Variants in DLG2 observed in about 807,000 individuals in gnomAD.
The protein encoded by DLG2 is disks large homolog 2.
Under a neutral mutation model 132.5 loss-of-function variants are expected in DLG2, and 45 were observed. The observed-to-expected ratio is 0.34, with a 90% CI of 0.27 to 0.44. DLG2 has a LOEUF of 0.44. DLG2 is among the 20% of genes least tolerant of loss of function. The pLI is 1.00. For synonymous variants in DLG2, 424 were observed against 419.6 expected (o/e 1.01, Z -0.13); for missense variants, 1,045 against 1,196.9 (o/e 0.87, Z 1.87).
chr11:85,564,580 C>A (rs1343136916), intron 3 of DLG2, among the ~76,000 whole-genome samples: 2 of 151,954 alleles, frequency 1.3e-5, no homozygotes, highest in Admixed American at 6.6e-5. Context: ...TACATTGAAT[C>A]TATTTTTGGT....
At chr11:83,917,202 G>A (rs550252344) in intron 15 of DLG2, among the ~76,000 whole-genome samples, 2 of 152,292 alleles carry the variant, frequency 1.3e-5, no homozygotes, top group African/African-American at 4.8e-5. Context: ...AACTTTCAGA[G>A]TTACTGGTGT....
chr11:83,987,488 C>T (rs2093410704), intron 11 of DLG2, among the ~76,000 whole-genome samples: 2 of 152,056 alleles, frequency 1.3e-5, no homozygotes, highest in African/African-American at 2.4e-5. Flanking sequence ...GGTACTGGTA[C>T]CAAAACAGAG....
intron 8 of DLG2, among the ~76,000 whole-genome samples, chr11:84,232,517 A>C (rs1207180469): frequency 1.3e-5 from 2 of 152,192 alleles, no homozygotes; most frequent in Admixed American, 1.3e-4. Flanking sequence ...CTAATTCCCA[A>C]CAGAATTTTC....
intron 9 of DLG2, among the ~76,000 whole-genome samples, chr11:84,145,104 C>A (rs1345143294): frequency 6.6e-6 from 1 of 152,122 alleles, no homozygotes; most frequent in African/African-American, 2.4e-5. Flanking sequence ...CTTGTTTTTA[C>A]AAATTATGGA....
At chr11:85,462,083 A>C (rs1300729917) in intron 3 of DLG2, among the ~76,000 whole-genome samples, 1 of 152,226 alleles carries the variant, frequency 6.6e-6, no homozygotes, top group African/African-American at 2.4e-5. Flanking sequence ...GAGAAATGCA[A>C]ATCAAAACCA....
intron 4 of DLG2, among the ~76,000 whole-genome samples, chr11:85,175,568 T>C (rs1315433192): frequency 4.6e-5 from 7 of 152,086 alleles, no homozygotes; most frequent in African/African-American, 1.7e-4. Context: ...AAGGATGCCC[T>C]CTCTCACCAC....
At chr11:84,562,285 A>T (rs1382670195) in intron 6 of DLG2, among the ~76,000 whole-genome samples, 1 of 152,166 alleles carries the variant, frequency 6.6e-6, no homozygotes, top group Non-Finnish European at 1.5e-5. Flanking sequence ...ATGACTGCCT[A>T]TGTCTCTACC....
At chr11:84,276,649 T>C (rs1315736714) in intron 7 of DLG2, among the ~76,000 whole-genome samples, 1 of 152,324 alleles carries the variant, frequency 6.6e-6, no homozygotes, top group Non-Finnish European at 1.5e-5. Context: ...CCATTTTTTT[T>C]CCATTAAACA....
rs375799223 is a variant in DLG2 at position 83,532,648 on chromosome 11, A to C, written c.2193+60T>G. ...TTGCTACTGAAAGCCTAAATGTGTT[A>C]ATTATAGTTAAATCCATGGCAACTG... On this transcript the variant is annotated intron_variant, in intron 21 of 27. Transcript: ENST00000376104. 1,877 of 1,468,242 alleles carry C rather than the reference A, an allele frequency of 1.3e-3. 12 individuals are homozygous for C. The highest frequency in any genetic ancestry group is 9.6e-3 in the South Asian group (843 of 87,690). 91.0% of individuals were successfully genotyped at this position (1,468,242 alleles called of 1,614,324 possible).
At chr11:84,898,092 G>A (rs1215581255) in intron 6 of DLG2, among the ~76,000 whole-genome samples, 2 of 151,770 alleles carry the variant, frequency 1.3e-5, no homozygotes, top group African/African-American at 4.8e-5. Flanking sequence ...GCTTCACTTT[G>A]CAAAGATATA....
intron 5 of DLG2, among the ~76,000 whole-genome samples, chr11:85,147,707 C>A (rs1341837378): frequency 6.6e-6 from 1 of 152,092 alleles, no homozygotes; most frequent in African/African-American, 2.4e-5. Context: ...TATTTAACTA[C>A]TGACTTGATG....
At chr11:83,969,654 A>T (rs1228346444) in intron 12 of DLG2, among the ~76,000 whole-genome samples, 1 of 151,952 alleles carries the variant, frequency 6.6e-6, no homozygotes, top group African/African-American at 2.4e-5. Flanking sequence ...GCTCACTGCA[A>T]CCTCTGCCTC....
intron 3 of DLG2, among the ~76,000 whole-genome samples, chr11:85,347,967 C>CTTTT (rs35083224): frequency 9.9e-5 from 4 of 40,402 alleles, no homozygotes; most frequent in East Asian, 6.6e-4. Flanking sequence ...CCACACTTAA[C>CTTTT]TTTTTTTTTT....
At chr11:83,513,854 T>C (rs992401550) in intron 21 of DLG2, among the ~76,000 whole-genome samples, 1 of 152,224 alleles carries the variant, frequency 6.6e-6, no homozygotes, top group Non-Finnish European at 1.5e-5. Flanking sequence ...TGTGGCATTA[T>C]TTCTGAGGGC....
At chr11:85,560,525 G>A (rs924991197) in intron 3 of DLG2, among the ~76,000 whole-genome samples, 2 of 151,790 alleles carry the variant, frequency 1.3e-5, no homozygotes, top group Non-Finnish European at 2.9e-5. Flanking sequence ...GAAATGTCCA[G>A]AAAGGGCAAA....
intron 19 of DLG2, among the ~76,000 whole-genome samples, chr11:83,610,153 A>G (rs1461788298): frequency 2.0e-5 from 3 of 152,214 alleles, no homozygotes; most frequent in Non-Finnish European, 4.4e-5. Flanking sequence ...GGGCTCCTGT[A>G]CTATGCAGCG....
chr11:83,690,848 GAAATTC>G (rs1398526240), intron 18 of DLG2, among the ~76,000 whole-genome samples: 1 of 152,158 alleles, frequency 6.6e-6, no homozygotes, highest in African/African-American at 2.4e-5. Context: ...AAAGTTACAT[GAAATTC>G]AAATTTCATG....
In DLG2 at chr11:84,601,790, G is replaced by A. The variant is rs189947600; in HGVS notation, c.358-67059C>T. On this transcript the variant is annotated intron_variant, in intron 6 of 27. Transcript: ENST00000376104. ...TTTACAAATTTTCTTGAATAATCAT[G>A]ACTATAGATAGAATATTGGGAGAAC... Among the ~76,000 whole-genome samples the A allele has an allele frequency of 6.8e-4, 104 of 152,064 alleles. 1 individual carries two copies. The highest frequency in any genetic ancestry group is 2.4e-3 in the African/African-American group (100 of 41,520).
intron 6 of DLG2, among the ~76,000 whole-genome samples, chr11:84,948,792 G>T (rs940694206): frequency 6.6e-6 from 1 of 152,144 alleles, no homozygotes. Context: ...TAAGTACCAT[G>T]ACCTTGGTAA....
Sources: allele counts gnomAD v4.1 joint callset (sites outside exome capture counted in the v4.1 genomes callset), GRCh38; gene constraint gnomAD v4.1.1; transcripts MANE v1.5; gene names NCBI Gene and HGNC (gene_info 2026-07-23, HGNC 2026-07-21).